The following DHX15 variants were observed in gnomAD, a reference collection of about 807,000 sequenced individuals.
DHX15 encodes DEAH-box helicase 15, also known as ATP-dependent RNA helicase DHX15.
A neutral mutation model predicts 94.4 loss-of-function variants in DHX15; 11 were observed. That is an observed-to-expected ratio of 0.12 (90% CI 0.07 to 0.19). The LOEUF (loss-of-function observed/expected upper bound fraction) is 0.19. Ranked by LOEUF, DHX15 falls within the 10% of genes least tolerant of loss-of-function variation. The pLI is 1.00. For synonymous variants in DHX15, 338 were observed against 329.9 expected (o/e 1.02, Z -0.27); for missense variants, 304 against 988.5 (o/e 0.31, Z 9.29).
chr4:24,573,958 G>A lies in DHX15; in HGVS notation c.507+2285C>T, dbSNP rs535426002. The stretch of plus-strand genomic sequence containing the variant: ...GGCCTGTAATCCCAGCACTTTGGGA[G>A]GCCCAGACAGGCCAATAACTTGAGG... On this transcript the variant is annotated intron_variant, in intron 2 of 13. Coordinates refer to ENST00000336812, the MANE Select transcript of DHX15 (RefSeq NM_001358.3). Among the ~76,000 whole-genome samples, 5 of 151,930 alleles carry A rather than the reference G, an allele frequency of 3.3e-5. No homozygotes were observed. In the East Asian group the frequency reaches 7.7e-4, roughly 24 times the overall value.
intron 13 of DHX15, 113 bp downstream of exon 13, chr4:24,529,488 A>T: frequency 2.3e-6 from 2 of 874,414 alleles, no homozygotes; most frequent in Non-Finnish European, 3.6e-6. Context: ...ATACCTACAC[A>T]CTGAAATATA....
chr4:24,542,045 A>G (rs757408424), intron 7 of DHX15, 23 bp from the exon 8 acceptor site: 2 of 1,564,004 alleles, frequency 1.3e-6, no homozygotes, highest in South Asian at 1.2e-5. Context: ...AAATAACACA[A>G]GAGTCTTTCT....
At chr4:24,565,005 T>C (rs960849850) in intron 3 of DHX15, among the ~76,000 whole-genome samples, 1 of 152,058 alleles carries the variant, frequency 6.6e-6, no homozygotes, top group African/African-American at 2.4e-5. Context: ...AGATACCTAA[T>C]CACGAAAAAA....
Position 24,540,094 on chromosome 4 carries a change from T to C in DHX15, c.1786+14A>G. ...GAAGAGCTGGGCTTTTTTTTGTTCC[T>C]TTCCCTCTATTACCTGACAACATAG... On this transcript the variant is annotated intron_variant, in intron 10 of 13. Coordinates refer to ENST00000336812, the MANE Select transcript of DHX15 (RefSeq NM_001358.3). The C allele has an allele frequency of 6.8e-7, 1 of 1,478,076 alleles. No individual in the cohort carries two copies. The highest frequency in any genetic ancestry group is 9.0e-7 in the Non-Finnish European group (1 of 1,109,942). The allele number at this position is 1,478,076 out of a possible 1,614,324, so 91.6% of individuals were successfully genotyped here.
intron 12 of DHX15, among the ~76,000 whole-genome samples, chr4:24,531,149 C>A (rs1005758534): frequency 3.3e-5 from 5 of 150,496 alleles, no homozygotes; most frequent in African/African-American, 1.2e-4. Context: ...AGTGCAGTGG[C>A]GCTATCTCGG....
At chr4:24,559,334 T>C (rs944375278) in intron 3 of DHX15, among the ~76,000 whole-genome samples, 4 of 146,250 alleles carry the variant, frequency 2.7e-5, no homozygotes, top group Admixed American at 7.0e-5. Context: ...ACTTCTGACC[T>C]TCAGAATTGT....
At chr4:24,552,400 T>C (rs997072022) in intron 5 of DHX15, among the ~76,000 whole-genome samples, 2 of 152,242 alleles carry the variant, frequency 1.3e-5, no homozygotes, top group South Asian at 4.1e-4. Flanking sequence ...ATCACTCTTA[T>C]CTAATTACTA....
intron 6 of DHX15, among the ~76,000 whole-genome samples, chr4:24,547,248 G>C (rs1308176133): frequency 1.3e-5 from 2 of 152,200 alleles, no homozygotes; most frequent in Non-Finnish European, 2.9e-5. Flanking sequence ...GGATGGCAAA[G>C]TGGCAATATA....
intron 3 of DHX15, among the ~76,000 whole-genome samples, chr4:24,560,957 C>A (rs1284004450): frequency 6.6e-6 from 1 of 152,120 alleles, no homozygotes; most frequent in African/African-American, 2.4e-5. Flanking sequence ...GGTAAAGAAA[C>A]AGATGCTCAT....
chr4:24,544,158 C>G (rs1721375628), intron 6 of DHX15, among the ~76,000 whole-genome samples: 1 of 152,006 alleles, frequency 6.6e-6, no homozygotes, highest in Non-Finnish European at 1.5e-5. Context: ...TGCCTATGGG[C>G]ACATACAAAA....
At chr4:24,533,279 A>T in intron 11 of DHX15, 2 of 562,752 alleles carry the variant, frequency 3.6e-6, no homozygotes, top group Non-Finnish European at 6.3e-6. Flanking sequence ...TTGGATGCCA[A>T]AACAATGCTT....
intron 1 of DHX15, among the ~76,000 whole-genome samples, chr4:24,578,827 G>A (rs749559402): frequency 1.5e-4 from 23 of 152,166 alleles, no homozygotes; most frequent in Non-Finnish European, 1.3e-4. Flanking sequence ...GCCTCCCAAC[G>A]TGCTGGGATT....
intron 5 of DHX15, among the ~76,000 whole-genome samples, chr4:24,552,547 G>A (rs58666069): frequency 0.22 from 33,685 of 151,976 alleles, 3,991 homozygotes; most frequent in East Asian, 0.39. Context: ...ATTTCATGGA[G>A]GCTATTCAAA....
chr4:24,574,235 G>A (rs1267346119), intron 2 of DHX15, among the ~76,000 whole-genome samples: 14 of 94,890 alleles, frequency 1.5e-4, no homozygotes, highest in Admixed American at 9.7e-4. Context: ...AAAAGTTAAA[G>A]TCATTACTTT....
At chr4:24,553,791 C>T (rs1721662559) in intron 5 of DHX15, among the ~76,000 whole-genome samples, 1 of 151,906 alleles carries the variant, frequency 6.6e-6, no homozygotes, top group South Asian at 2.1e-4. Context: ...TCCCCACCCC[C>T]AAAAAGAAAA....
At chr4:24,583,454 T>C (rs896369887) in intron 1 of DHX15, among the ~76,000 whole-genome samples, 1 of 150,324 alleles carries the variant, frequency 6.7e-6, no homozygotes, top group African/African-American at 2.4e-5. Context: ...AAGTGGGACA[T>C]GCATAGAAAA....
At chr4:24,579,066 T>C (rs1019560831) in intron 1 of DHX15, among the ~76,000 whole-genome samples, 1 of 152,184 alleles carries the variant, frequency 6.6e-6, no homozygotes, top group Admixed American at 6.5e-5. Context: ...ACAAAGGATG[T>C]ATAAAATACA....
At chr4:24,579,682 A>G (rs184407153) in intron 1 of DHX15, among the ~76,000 whole-genome samples, 28 of 152,366 alleles carry the variant, frequency 1.8e-4, no homozygotes, top group Admixed American at 1.6e-3. Flanking sequence ...TGTAGAGTAT[A>G]GATAGGATTA....
intron 1 of DHX15, among the ~76,000 whole-genome samples, chr4:24,582,536 C>T (rs1227664647): frequency 6.6e-6 from 1 of 152,192 alleles, no homozygotes; most frequent in African/African-American, 2.4e-5. Context: ...GACATCAGTT[C>T]CAGATGACAG....
Sources: allele counts gnomAD v4.1 joint callset (sites outside exome capture counted in the v4.1 genomes callset), GRCh38; gene constraint gnomAD v4.1.1; transcripts MANE v1.5; gene names NCBI Gene and HGNC (gene_info 2026-07-23, HGNC 2026-07-21).